POLR1G: variants seen among roughly 807,000 people sequenced by gnomAD.
POLR1G encodes DNA-directed RNA polymerase I subunit RPA34.
Under a neutral mutation model 6.3 loss-of-function variants are expected in POLR1G, and 9 were observed. The observed-to-expected ratio is 1.44, with a 90% CI of 0.87 to 2.51. POLR1G has a LOEUF of 2.51. POLR1G is among the 30% of genes most tolerant of loss of function. The probability of loss-of-function intolerance (pLI) is 0.00; values close to 1 mark genes in which losing one functional copy is unlikely to be tolerated. For missense variants in POLR1G, 617 were observed against 632.5 expected (o/e 0.98, Z 0.26); for synonymous variants, 248 against 256.5 (o/e 0.97, Z 0.32).
At position 45,407,137 on chromosome 19, in the gene POLR1G, C is replaced by T. The variant is rs779440899; in HGVS notation, c.66C>T (p.Pro22=). The change falls in exon 2 of 3, where the codon CCC becomes CCT. Residue 22 remains proline, a synonymous_variant. Coordinates refer to ENST00000309424, the MANE Select transcript of POLR1G (RefSeq NM_012099.3). ...GTCCCCCCAACTTTACCGCGAAGCCCCCAGCCTCAGAGTCCCCTCGTTTCT... is the reference window on the plus strand; with the variant it reads ...GTCCCCCCAACTTTACCGCGAAGCCTCCAGCCTCAGAGTCCCCTCGTTTCT... ...FSCPPNFTAK[P]PASESPRFSL... 2 of 1,610,922 alleles carry T rather than the reference C, an allele frequency of 1.2e-6. No homozygotes were observed. The highest frequency in any genetic ancestry group is 1.7e-6 in the Non-Finnish European group (2 of 1,179,306).
In POLR1G at chr19:45,408,420, C is replaced by T; in HGVS notation, c.452C>T (p.Ala151Val). The T allele has an allele frequency of 6.2e-7, 1 of 1,613,660 alleles. No individual in the cohort carries two copies. The highest frequency in any genetic ancestry group is 8.5e-7 in the Non-Finnish European group (1 of 1,179,846). ...CCTGGCCTGAGGCCTCGGTTCTGTG[C>T]CTTTGGGGGCAACCCACCAGTCACA... ...IPPGLRPRFC[A>V]FGGNPPVTGP... Residue 151 changes from alanine (A) to valine (V), a missense_variant, in exon 3 of 3, where the codon GCC becomes GTC. Coordinates refer to ENST00000309424, the MANE Select transcript of POLR1G (RefSeq NM_012099.3).
In POLR1G at chr19:45,406,729, G is replaced by T; in HGVS notation, c.22+11G>T. 1 of 1,526,386 alleles carries T rather than the reference G, an allele frequency of 6.6e-7. No homozygotes were observed. The highest frequency in any genetic ancestry group is 8.8e-7 in the Non-Finnish European group (1 of 1,139,280). 94.6% of individuals were successfully genotyped at this position (1,526,386 alleles called of 1,614,324 possible). On this transcript the variant is annotated intron_variant, in intron 1 of 2. Coordinates refer to ENST00000309424, the MANE Select transcript of POLR1G (RefSeq NM_012099.3). This position sits in a 1 kb window ranked among gnomAD's most constrained non-coding sequence, Gnocchi z 4.2. Reference sequence around the variant, plus strand: ...AGCCCCAGGCCGGCGGTGAGGGTGCGGGTTGACGGGGTGCGGAGGGTGCGT... The same window carrying T: ...AGCCCCAGGCCGGCGGTGAGGGTGCTGGTTGACGGGGTGCGGAGGGTGCGT...
rs770380953 is a variant in POLR1G, at chr19:45,409,657, C to T, written c.*156C>T. 4 of 1,372,140 alleles carry T rather than the reference C, an allele frequency of 2.9e-6. No homozygotes were observed. Among genetic ancestry groups the T allele is most frequent in the African/African-American group, 1.4e-5 (1 of 70,384 alleles). 85.0% of individuals were successfully genotyped at this position (1,372,140 alleles called of 1,614,324 possible). On this transcript the variant is annotated 3_prime_UTR_variant, in exon 3 of 3. Transcript: ENST00000309424. ...CGATTTATTATTACACTGGGGGTTT[C>T]CTTGGCAGCTGGGGTCATCAGGGTA...
Position 45,407,106 on chromosome 19 carries a change from T to C in POLR1G, c.35T>C (p.Phe12Ser). ...CCTTCTGCTGCAGATGCTGCTCGGT[T>C]CTCTTGTCCCCCCAACTTTACCGCG... ...EEPQAGDAAR[F>S]SCPPNFTAKP... Residue 12 changes from phenylalanine to serine, a missense_variant, in exon 2 of 3, where the codon TTC becomes TCC. Transcript: ENST00000309424. 6.3e-7 allele frequency: 1 copy of C among 1,597,394 alleles called. No individual in the cohort carries two copies. Among genetic ancestry groups the C allele is most frequent in the African/African-American group, 1.4e-5 (1 of 73,754 alleles).
chr19:45,409,572 C>T lies in POLR1G; in HGVS notation c.*71C>T. 6.4e-7 allele frequency: 1 copy of T among 1,573,692 alleles called. No individual in the cohort carries two copies. Among genetic ancestry groups the T allele is most frequent in the Non-Finnish European group, 8.6e-7 (1 of 1,159,656 alleles). On this transcript the variant is annotated 3_prime_UTR_variant, in exon 3 of 3. Coordinates refer to ENST00000309424, the MANE Select transcript of POLR1G (RefSeq NM_012099.3). ...ACCTGGGCCACCAGAAGGTGACACC[C>T]CCAGAATCCCTCCCCAGAGACTGCA...
rs199895540 is a variant in POLR1G at position 45,409,000 on chromosome 19, G to C, written c.1032G>C (p.Thr344=). The C allele has an allele frequency of 6.2e-7, 1 of 1,614,032 alleles. No individual in the cohort carries two copies. Residue 344 remains threonine, a synonymous_variant, in exon 3 of 3, where the codon ACG becomes ACC. Coordinates refer to ENST00000309424, the MANE Select transcript of POLR1G (RefSeq NM_012099.3). ...KGQMAMMEPG[T]EAMEPVEPEM... The stretch of plus-strand genomic sequence containing the variant: ...AGATGGCAATGATGGAGCCAGGGAC[G>C]GAGGCGATGGAGCCAGTGGAGCCGG...
Position 45,408,274 on chromosome 19 carries a change from A to T in POLR1G, c.306A>T (p.Gly102=). 1 of 1,614,098 alleles carries T rather than the reference A, an allele frequency of 6.2e-7. No individual in the cohort carries two copies. The highest frequency in any genetic ancestry group is 1.1e-5 in the South Asian group (1 of 91,064). ...TGCTGGCCCCCTCAACGGAGGCAGG[A>T]GGTGGACTCACCTGTGCCTCAGCCC... ...ATLLAPSTEA[G]GGLTCASAPQ... is the part of the protein sequence containing the mutation. Residue 102 remains glycine, a synonymous_variant, in exon 3 of 3, where the codon GGA becomes GGT. Coordinates refer to ENST00000309424, the MANE Select transcript of POLR1G (RefSeq NM_012099.3).
Position 45,409,137 on chromosome 19 carries a change from A to G in POLR1G, c.1169A>G (p.Glu390Gly), listed in dbSNP as rs1973528943. ...LAAPKKKTKK[E>G]KQQDATVEPE... ...GCTCCCAAAAAGAAGACGAAGAAAG[A>G]AAAACAGCAAGATGCCACAGTGGAG... Residue 390 changes from glutamate to glycine, a missense_variant, in exon 3 of 3, where the codon GAA becomes GGA. Coordinates refer to ENST00000309424, the MANE Select transcript of POLR1G (RefSeq NM_012099.3). 2 of 1,613,086 alleles carry G rather than the reference A, an allele frequency of 1.2e-6. No homozygotes were observed. The highest frequency in any genetic ancestry group is 1.7e-5 in the Admixed American group (1 of 59,928).
rs146750944 is a variant in POLR1G at position 45,408,999 on chromosome 19, C to T, written c.1031C>T (p.Thr344Met). The T allele has an allele frequency of 5.9e-4, 956 of 1,613,958 alleles. 11 individuals carry two copies. In the African/African-American group the frequency reaches 0.01, roughly 18 times the overall value. Residue 344 changes from threonine (T) to methionine (M), a missense_variant, in exon 3 of 3, where the codon ACG becomes ATG. Thr to Met is a moderately conservative substitution (Grantham distance 81). Coordinates refer to ENST00000309424, the MANE Select transcript of POLR1G (RefSeq NM_012099.3). ...CAGATGGCAATGATGGAGCCAGGGACGGAGGCGATGGAGCCAGTGGAGCCG... is the reference window on the plus strand; with the variant it reads ...CAGATGGCAATGATGGAGCCAGGGATGGAGGCGATGGAGCCAGTGGAGCCG... ...KGQMAMMEPG[T>M]EAMEPVEPEM...
At chr19:45,408,037 G>C in intron 2 of POLR1G, 96 bp from the exon 3 acceptor site, 1 of 1,433,188 alleles carries the variant, frequency 7.0e-7, no homozygotes, top group Non-Finnish European at 9.3e-7. Flanking sequence ...CTAGGCAACA[G>C]AGCAAGACTC....
chr19:45,407,374 C>A, intron 2 of POLR1G, 139 bp downstream of exon 2: 4 of 747,478 alleles, frequency 5.4e-6, no homozygotes, highest in East Asian at 2.9e-5. Context: ...TACTCCTTTA[C>A]AGAGTAGAGT....
Position 45,408,159 on chromosome 19 carries a change from C to G in POLR1G, c.191C>G (p.Ser64Cys), listed in dbSNP as rs1194171340. The G allele has an allele frequency of 6.2e-7, 1 of 1,607,560 alleles. No homozygotes were observed. The highest frequency in any genetic ancestry group is 1.3e-5 in the African/African-American group (1 of 74,834). ...ECFNGRHVPL[S>C]GSQIVKGKLA... ...TTCAATGGGCGGCATGTGCCTCTCT[C>G]TGGCTCCCAGATCGTCAAGGGCAAA... is the stretch of plus-strand genomic sequence containing the variant. Residue 64 changes from serine to cysteine, a missense_variant, in exon 3 of 3, where the codon TCT (serine) becomes TGT (cysteine). By Grantham distance (112) the Ser-to-Cys change is moderately radical. Coordinates refer to ENST00000309424, the MANE Select transcript of POLR1G (RefSeq NM_012099.3).
At chr19:45,407,842 G>C in intron 2 of POLR1G, 1 of 299,986 alleles carries the variant, frequency 3.3e-6, no homozygotes, top group Non-Finnish European at 6.2e-6. Context: ...GATCACTTGA[G>C]GTCAGGAGTT....
Position 45,409,224 on chromosome 19 carries a change from C to T in POLR1G, c.1256C>T (p.Thr419Ile), listed in dbSNP as rs1301163543. The T allele has an allele frequency of 1.9e-6, 3 of 1,609,856 alleles. No homozygotes were observed. The highest frequency in any genetic ancestry group is 2.5e-6 in the Non-Finnish European group (3 of 1,177,542). Residue 419 changes from threonine to isoleucine, a missense_variant, in exon 3 of 3, where the codon ACA becomes ATA. Coordinates refer to ENST00000309424, the MANE Select transcript of POLR1G (RefSeq NM_012099.3). The stretch of plus-strand genomic sequence containing the variant: ...GACCTTGAGCCTCAGGCAGCTCCCA[C>T]ATCCACCAAGAAGAAGAAGAAGAAG... ...PDDLEPQAAP[T>I]STKKKKKKKE...
At chr19:45,407,480 G>A in intron 2 of POLR1G, 1 of 478,040 alleles carries the variant, frequency 2.1e-6, no homozygotes, top group Admixed American at 4.2e-5. Flanking sequence ...GGAGTGTGCA[G>A]ATAAGCTCAC....
Position 45,408,127 on chromosome 19 carries a change from C to A in POLR1G, c.165-6C>A. 2 of 1,591,658 alleles carry A rather than the reference C, an allele frequency of 1.3e-6. No individual in the cohort carries two copies. Among genetic ancestry groups the A allele is most frequent in the Admixed American group, 1.7e-5 (1 of 58,426 alleles). On this transcript the variant is annotated splice_polypyrimidine_tract_variant and splice_region_variant and intron_variant, in intron 2 of 2. Transcript: ENST00000309424. ...AAGCCTCTGCCCTCCCTGTTTCTCT[C>A]TGTAGCTTCAATGGGCGGCATGTGC...
At chr19:45,408,051 C>CAA (rs35708119) in intron 2 of POLR1G, 82 bp from the exon 3 acceptor site, 801 of 1,396,558 alleles carry the variant, frequency 5.7e-4, no homozygotes, top group East Asian at 2.3e-3. Flanking sequence ...AAGACTCTCT[C>CAA]AAAAAAAAAC....
In POLR1G at chr19:45,408,121, T is replaced by A; in HGVS notation, c.165-12T>A. Reference sequence around the variant, plus strand: ...CCACTTAAGCCTCTGCCCTCCCTGTTTCTCTCTGTAGCTTCAATGGGCGGC... The same window carrying A: ...CCACTTAAGCCTCTGCCCTCCCTGTATCTCTCTGTAGCTTCAATGGGCGGC... On this transcript the variant is annotated splice_polypyrimidine_tract_variant and intron_variant, in intron 2 of 2. Coordinates refer to ENST00000309424, the MANE Select transcript of POLR1G (RefSeq NM_012099.3). 1 of 1,581,984 alleles carries A rather than the reference T, an allele frequency of 6.3e-7. No individual in the cohort carries two copies. Among genetic ancestry groups the A allele is most frequent in the Non-Finnish European group, 8.6e-7 (1 of 1,159,812 alleles).
chr19:45,408,631 G>C lies in POLR1G; in HGVS notation c.663G>C (p.Leu221=), dbSNP rs1446293774. 10 of 1,613,640 alleles carry C rather than the reference G, an allele frequency of 6.2e-6. No homozygotes were observed. Among genetic ancestry groups the C allele is most frequent in the Non-Finnish European group, 6.8e-6 (8 of 1,180,018 alleles). Residue 221 remains leucine (L), a synonymous_variant, in exon 3 of 3, where the codon CTG becomes CTC. Transcript: ENST00000309424. ...RKKKKKKNQQ[L]KEPEAAGPVG... ...AGAAGAAGAAAAAAAATCAGCAGCT[G>C]AAAGAACCAGAGGCAGCAGGGCCTG...
Sources: allele counts gnomAD v4.1 joint callset, GRCh38; gene constraint gnomAD v4.1.1; non-coding constraint Gnocchi (gnomAD v3.1); transcripts MANE v1.5; gene names NCBI Gene and HGNC (gene_info 2026-07-23, HGNC 2026-07-21).